The following TFDP2 variants were observed in gnomAD, a reference collection of about 807,000 sequenced individuals.
The protein encoded by TFDP2 is transcription factor Dp-2 (E2F dimerization partner 2).
In TFDP2, 17 loss-of-function variants were observed where a neutral mutation model predicts 59.3. The ratio of observed to expected loss-of-function variants is 0.29; its 90% CI spans 0.20 to 0.43. The LOEUF is 0.43. Ranked by LOEUF, TFDP2 falls within the 20% of genes least tolerant of loss-of-function variation. The pLI, the probability that TFDP2 is intolerant of heterozygous loss-of-function variation, is 1.00. For missense variants in TFDP2, 391 were observed against 528.8 expected (o/e 0.74, Z 2.56); for synonymous variants, 180 against 194.7 (o/e 0.92, Z 0.63).
intron 3 of TFDP2, among the ~76,000 whole-genome samples, chr3:142,040,114 AACACACACACACAC>A (rs61576382): frequency 3.2e-4 from 48 of 150,424 alleles, no homozygotes; most frequent in Admixed American, 5.3e-4. Flanking sequence ...CACAAAATAA[AACACACACACACAC>A]ACACACACAC....
At position 142,027,960 on chromosome 3, in the gene TFDP2, C is replaced by G. The variant is rs1357946322; in HGVS notation, c.83-22416G>C. Among the ~76,000 whole-genome samples the G allele has an allele frequency of 2.6e-5, 4 of 152,090 alleles. No homozygotes were observed. In the East Asian group the frequency reaches 7.7e-4, roughly 29 times the overall value. On this transcript the variant is annotated intron_variant, in intron 3 of 12. Transcript: ENST00000489671. ...CATAAAGCAGTGGAATGCACCGGCC[C>G]CTTTATGAGCAAACAATGCCTAAGC...
chr3:142,064,847 AG>A (rs1439852968), intron 3 of TFDP2, among the ~76,000 whole-genome samples: 1 of 152,242 alleles, frequency 6.6e-6, no homozygotes, highest in Non-Finnish European at 1.5e-5. Flanking sequence ...GGAAGATAAA[AG>A]ATGTGGTAAC....
In TFDP2 at chr3:141,945,540, A is replaced by C. The variant is rs958345950; in HGVS notation, c.*6973T>G. 6.6e-6 allele frequency: 1 copy of C among 152,348 alleles called. No homozygotes were observed. Among genetic ancestry groups the C allele is most frequent in the Admixed American group, 6.5e-5 (1 of 15,286 alleles). 9.4% of individuals were successfully genotyped at this position (152,348 alleles called of 1,614,324 possible). A position where few individuals can be genotyped will look rare whatever the true frequency, so the allele number is the denominator to read the frequency against. ...GTGCAGCCACCTGGGCAGCCAGTGC[A>C]TATGGTTAGTGGGTGGTTCCATTTT... On this transcript the variant is annotated 3_prime_UTR_variant, in exon 13 of 13. Transcript: ENST00000489671.
At chr3:142,031,592 T>A (rs1329991699) in intron 3 of TFDP2, among the ~76,000 whole-genome samples, 1 of 152,136 alleles carries the variant, frequency 6.6e-6, no homozygotes, top group African/African-American at 2.4e-5. Flanking sequence ...AAAATGCAGA[T>A]TATATAGGTT....
chr3:141,967,817 G>C (rs1938362284), intron 9 of TFDP2, among the ~76,000 whole-genome samples: 1 of 152,086 alleles, frequency 6.6e-6, no homozygotes, highest in Non-Finnish European at 1.5e-5. Context: ...GAGGTAAGCA[G>C]GGAAAAAATA....
At chr3:142,016,386 C>A (rs1172095970) in intron 3 of TFDP2, among the ~76,000 whole-genome samples, 1 of 147,184 alleles carries the variant, frequency 6.8e-6, no homozygotes, top group African/African-American at 2.5e-5. Flanking sequence ...GCAACCTCCA[C>A]CTCCTGGGTT....
chr3:142,092,867 G>T (rs768921546), intron 3 of TFDP2, among the ~76,000 whole-genome samples, 194 bp downstream of exon 3: 7 of 152,114 alleles, frequency 4.6e-5, no homozygotes, highest in Non-Finnish European at 1.0e-4. Context: ...TTAGGAAAGA[G>T]AAAAATCACA....
At chr3:141,996,131 T>C (rs1943253037) in intron 4 of TFDP2, among the ~76,000 whole-genome samples, 1 of 152,162 alleles carries the variant, frequency 6.6e-6, no homozygotes, top group Admixed American at 6.5e-5. Context: ...AAGACTTTTT[T>C]AGAAAGGTAC....
At chr3:142,019,199 G>C (rs1312116154) in intron 3 of TFDP2, among the ~76,000 whole-genome samples, 1 of 151,678 alleles carries the variant, frequency 6.6e-6, no homozygotes, top group Non-Finnish European at 1.5e-5. Flanking sequence ...TGAGTAGCTG[G>C]GATTACAGGC....
intron 5 of TFDP2, among the ~76,000 whole-genome samples, 194 bp from the exon 6 acceptor site, chr3:141,993,779 A>G (rs558435806): frequency 3.2e-4 from 48 of 152,376 alleles, no homozygotes; most frequent in African/African-American, 1.1e-3. Context: ...CTTAATAATC[A>G]TAAGTTGAAA....
At chr3:142,012,308 G>A (rs1944788182) in intron 3 of TFDP2, among the ~76,000 whole-genome samples, 1 of 152,056 alleles carries the variant, frequency 6.6e-6, no homozygotes, top group Non-Finnish European at 1.5e-5. Flanking sequence ...CACCATGCTC[G>A]GCCTATAATT....
intron 1 of TFDP2, among the ~76,000 whole-genome samples, chr3:142,112,939 G>A (rs1228082276): frequency 6.6e-6 from 1 of 152,170 alleles, no homozygotes; most frequent in African/African-American, 2.4e-5. Flanking sequence ...GAAAACAAAA[G>A]ACTGAGGGCA....
rs190404584 is a variant in TFDP2 at position 142,073,827 on chromosome 3, G to C, written c.82+19234C>G. ...AAATGAAATGGTGAATTAAAGACTA[G>C]ATAAATGTTCCATTTGAATGGAGCA... On this transcript the variant is annotated intron_variant, in intron 3 of 12. Transcript: ENST00000489671. Among the ~76,000 whole-genome samples the C allele has an allele frequency of 3.9e-5, 6 of 152,188 alleles. No homozygotes were observed. In the East Asian group the frequency reaches 9.6e-4, roughly 24 times the overall value.
At chr3:142,126,097 A>G (rs1284839661) in intron 1 of TFDP2, 2 of 152,170 alleles carry the variant, frequency 1.3e-5, no homozygotes, top group Non-Finnish European at 2.9e-5. Flanking sequence ...GAGAACAACT[A>G]AACAACACCA....
At chr3:142,131,458 G>T (rs1023662004) in intron 1 of TFDP2, among the ~76,000 whole-genome samples, 5 of 150,058 alleles carry the variant, frequency 3.3e-5, no homozygotes. Flanking sequence ...TGATCTAAGA[G>T]ACATAGGCAG....
In TFDP2 at chr3:141,952,437, A is replaced by G. The variant is rs778509731; in HGVS notation, c.*76T>C. The G allele has an allele frequency of 1.4e-6, 2 of 1,385,230 alleles. No individual in the cohort carries two copies. Among genetic ancestry groups the G allele is most frequent in the African/African-American group, 3.0e-5 (2 of 66,878 alleles). 85.8% of individuals were successfully genotyped at this position (1,385,230 alleles called of 1,614,324 possible). On this transcript the variant is annotated 3_prime_UTR_variant, in exon 13 of 13. Transcript: ENST00000489671. ...GCAAACAAAGGCAAAGACTGAAGCA[A>G]TCATTTCAAAAACAAGAGCTCACAC... is the stretch of plus-strand genomic sequence containing the variant.
At chr3:142,099,758 T>G (rs2108641385) in intron 2 of TFDP2, among the ~76,000 whole-genome samples, 1 of 152,020 alleles carries the variant, frequency 6.6e-6, no homozygotes, top group East Asian at 1.9e-4. Context: ...AGCTTTCCCC[T>G]GAGCGCCAGA....
At chr3:142,008,227 G>C (rs1025143347) in intron 3 of TFDP2, among the ~76,000 whole-genome samples, 2 of 151,820 alleles carry the variant, frequency 1.3e-5, no homozygotes, top group Non-Finnish European at 2.9e-5. Flanking sequence ...GTGCAGCCAG[G>C]GCTGAGCACC....
intron 9 of TFDP2, among the ~76,000 whole-genome samples, chr3:141,966,453 G>A (rs562881829): frequency 6.6e-6 from 1 of 151,846 alleles, no homozygotes; most frequent in South Asian, 2.1e-4. Context: ...TTACAGACAT[G>A]AGCCACTGCA....
Sources: allele counts gnomAD v4.1 joint callset (sites outside exome capture counted in the v4.1 genomes callset), GRCh38; gene constraint gnomAD v4.1.1; transcripts MANE v1.5; gene names NCBI Gene and HGNC (gene_info 2026-07-23, HGNC 2026-07-21).